AUH: variants seen among roughly 807,000 people sequenced by gnomAD.
AUH encodes the protein methylglutaconyl-CoA hydratase, mitochondrial.
A neutral mutation model predicts 42.3 loss-of-function variants in AUH; 29 were observed. The observed-to-expected ratio is 0.69, with a 90% CI of 0.51 to 0.93. The LOEUF (loss-of-function observed/expected upper bound fraction) is 0.93. Among genes scored for constraint, AUH ranks in the 40% least tolerant of loss-of-function variants. The pLI, the probability that AUH is intolerant of heterozygous loss-of-function variation, is 0.00. For missense variants in AUH, 452 were observed against 438.1 expected, an observed-to-expected ratio of 1.03 and a Z score of -0.28; for synonymous variants, 174 against 166.4, an observed-to-expected ratio of 1.05 and a Z score of -0.35.
At chr9:91,216,236 G>A in intron 8 of AUH, 130 bp from the exon 9 acceptor site, 1 of 927,240 alleles carries the variant, frequency 1.1e-6, no homozygotes, top group East Asian at 2.6e-5. Flanking sequence ...GCAGATCAGA[G>A]TGTGACCAAC....
chr9:91,340,555 C>T (rs905051431), intron 3 of AUH, among the ~76,000 whole-genome samples: 2 of 152,174 alleles, frequency 1.3e-5, no homozygotes, highest in African/African-American at 2.4e-5. Flanking sequence ...ACCTCAAGAT[C>T]ATCCTAATTG....
At chr9:91,322,731 A>G (rs1829677965) in intron 4 of AUH, among the ~76,000 whole-genome samples, 1 of 152,204 alleles carries the variant, frequency 6.6e-6, no homozygotes, top group Admixed American at 6.5e-5. Context: ...AGAATAACAC[A>G]AAACAAAATT....
intron 3 of AUH, among the ~76,000 whole-genome samples, chr9:91,338,363 G>A (rs1262526053): frequency 2.6e-5 from 4 of 152,170 alleles, no homozygotes; most frequent in African/African-American, 9.7e-5. Flanking sequence ...AAGTCTCATA[G>A]ATCCCTCATA....
At chr9:91,225,824 T>G (rs535262504) in intron 6 of AUH, among the ~76,000 whole-genome samples, 28 of 152,012 alleles carry the variant, frequency 1.8e-4, no homozygotes, top group African/African-American at 6.8e-4. Flanking sequence ...GTTCTTGGGA[T>G]AGTTTACTGA....
At chr9:91,337,003 TA>T (rs1830744921) in intron 3 of AUH, among the ~76,000 whole-genome samples, 1 of 152,228 alleles carries the variant, frequency 6.6e-6, no homozygotes, top group Non-Finnish European at 1.5e-5. Flanking sequence ...CACCTTTGTA[TA>T]CACAAGGGCC....
At chr9:91,233,713 T>C (rs1828020388) in intron 6 of AUH, among the ~76,000 whole-genome samples, 1 of 152,152 alleles carries the variant, frequency 6.6e-6, no homozygotes, top group African/African-American at 2.4e-5. Context: ...GCTACAAAGA[T>C]CAATAACAAG....
chr9:91,336,732 C>A (rs947267286), intron 3 of AUH, among the ~76,000 whole-genome samples: 21 of 151,130 alleles, frequency 1.4e-4, no homozygotes, highest in African/African-American at 5.1e-4. Context: ...CTGGATTGCA[C>A]AGGTTTATAA....
chr9:91,256,966 A>T (rs958176594), intron 6 of AUH, among the ~76,000 whole-genome samples: 1 of 152,144 alleles, frequency 6.6e-6, no homozygotes, highest in Non-Finnish European at 1.5e-5. Context: ...TCCTTTTAAA[A>T]TATCCCAAAC....
In AUH at chr9:91,340,294, T is replaced by C. The variant is rs545256930; in HGVS notation, c.419-14890A>G. ...CCTATCTGTCACAAAACAAAACCAA[T>C]TGACAGTTATTTCACATAATTCTAA... On this transcript the variant is annotated intron_variant, in intron 3 of 9. Transcript: ENST00000375731. Among the ~76,000 whole-genome samples the C allele has an allele frequency of 5.9e-5, 9 of 152,226 alleles. No individual in the cohort carries two copies. The South Asian group carries it at 1.4e-3, about 25-fold the overall frequency.
chr9:91,352,311 G>A (rs1483430180), intron 3 of AUH, among the ~76,000 whole-genome samples: 1 of 152,002 alleles, frequency 6.6e-6, no homozygotes, highest in Non-Finnish European at 1.5e-5. Context: ...GACCAGCATT[G>A]TATAATGCAG....
At chr9:91,249,112 C>T (rs1260688697) in intron 6 of AUH, among the ~76,000 whole-genome samples, 2 of 151,792 alleles carry the variant, frequency 1.3e-5, no homozygotes, top group African/African-American at 2.4e-5. Context: ...GCCTAGGAAA[C>T]ATGGCACAAC....
At chr9:91,275,592 T>C (rs1429093346) in intron 6 of AUH, among the ~76,000 whole-genome samples, 1 of 152,204 alleles carries the variant, frequency 6.6e-6, no homozygotes, top group Non-Finnish European at 1.5e-5. Context: ...GAGTGAATCT[T>C]AACACGGCAT....
At chr9:91,306,480 G>GA (rs1303892667) in intron 4 of AUH, 4 of 615,194 alleles carry the variant, frequency 6.5e-6, no homozygotes, top group African/African-American at 4.0e-5. Context: ...CACTTGGCAG[G>GA]AAAAAACCTC....
intron 4 of AUH, chr9:91,306,344 A>G (rs1828218595): frequency 1.0e-6 from 1 of 985,126 alleles, no homozygotes; most frequent in Non-Finnish European, 1.2e-6. Flanking sequence ...GAACTGAGTG[A>G]TGACTTCTGT....
intron 6 of AUH, among the ~76,000 whole-genome samples, chr9:91,292,730 A>G (rs1258060021): frequency 6.6e-6 from 1 of 152,208 alleles, no homozygotes; most frequent in African/African-American, 2.4e-5. Flanking sequence ...TAATTAGCAC[A>G]GTAACTTAAA....
At chr9:91,262,487 T>A (rs865809666) in intron 6 of AUH, among the ~76,000 whole-genome samples, 10 of 152,154 alleles carry the variant, frequency 6.6e-5, no homozygotes, top group African/African-American at 2.4e-4. Context: ...CCCCAAACAC[T>A]GTGACCAGGC....
intron 3 of AUH, among the ~76,000 whole-genome samples, chr9:91,351,823 G>A (rs2132052594): frequency 6.6e-6 from 1 of 152,282 alleles, no homozygotes; most frequent in African/African-American, 2.4e-5. Context: ...GTTTCACCCT[G>A]AAACCATCCC....
intron 1 of AUH, among the ~76,000 whole-genome samples, chr9:91,359,266 C>G (rs1832670604): frequency 6.6e-6 from 1 of 152,142 alleles, no homozygotes; most frequent in Non-Finnish European, 1.5e-5. Context: ...GTCCTCCTTC[C>G]CTAGAACCAG....
intron 3 of AUH, among the ~76,000 whole-genome samples, chr9:91,338,282 C>T (rs1406746844): frequency 1.3e-5 from 2 of 152,214 alleles, no homozygotes; most frequent in African/African-American, 4.8e-5. Context: ...CGTGATGACA[C>T]CTCTCCCTCT....
Sources: gnomAD v4.1 joint callset for allele counts (sites outside exome capture counted in the v4.1 genomes callset) on GRCh38, gnomAD v4.1.1 for gene constraint, MANE v1.5 for transcripts, NCBI Gene and HGNC (gene_info 2026-07-23, HGNC 2026-07-21) for gene names.